Variants in F5 observed in about 807,000 individuals in gnomAD.
The protein encoded by F5 is activated protein c cofactor.
F5 carries 138 observed loss-of-function variants against 216.4 expected under a neutral mutation model. The observed-to-expected ratio is 0.64, with a 90% CI of 0.56 to 0.73. The LOEUF (loss-of-function observed/expected upper bound fraction) is 0.73, where lower values mean the gene tolerates loss of function less well. Ranked by LOEUF, F5 falls within the 30% of genes least tolerant of loss-of-function variation. F5 has a pLI of 0.00. For missense variants in F5, 2,403 were observed against 2,674.0 expected, an observed-to-expected ratio of 0.90 and a Z score of 2.24; for synonymous variants, 916 against 930.7, an observed-to-expected ratio of 0.98 and a Z score of 0.29.
intron 1 of F5, among the ~76,000 whole-genome samples, chr1:169,584,612 A>G (rs544018271): frequency 1.3e-5 from 2 of 152,370 alleles, no homozygotes; most frequent in South Asian, 4.1e-4. Context: ...ACACTTTGCC[A>G]AAAGATGGAG....
chr1:169,521,846 C>T (rs374671895), intron 21 of F5, among the ~76,000 whole-genome samples: 3 of 151,844 alleles, frequency 2.0e-5, no homozygotes, highest in African/African-American at 7.3e-5. Context: ...GTCTTGATCT[C>T]TTGACCTCGT....
intron 5 of F5, among the ~76,000 whole-genome samples, chr1:169,557,140 A>G (rs1159529267): frequency 6.6e-6 from 1 of 152,224 alleles, no homozygotes; most frequent in Non-Finnish European, 1.5e-5. Context: ...AAACACAGGG[A>G]TTGCTAAAGG....
intron 13 of F5, among the ~76,000 whole-genome samples, chr1:169,538,601 A>T (rs1659759583): frequency 6.6e-6 from 1 of 152,210 alleles, no homozygotes; most frequent in African/African-American, 2.4e-5. Context: ...ACAACAAAAA[A>T]ACTGGGGTAC....
At position 169,518,549 on chromosome 1, in the gene F5, G is replaced by C; in HGVS notation, c.6208C>G (p.Leu2070Val). Residue 2070 changes from leucine to valine, a missense_variant, in exon 23 of 25, where the codon CTG becomes GTG. This residue lies in a region of F5 where 659 missense variants were observed against 787.9 expected (regional missense o/e 0.84). Coordinates refer to ENST00000367797, the MANE Select transcript of F5 (RefSeq NM_000130.5). ...TCTATCTTTCCATTTTCCATACCCA[G>C]GGGTGTGGAACATCCTATCAAAAGA... The part of the protein sequence containing the change: ...GCEVNGCSTP[L>V]GMENGKIENK... 1 of 1,613,664 alleles carries C rather than the reference G, an allele frequency of 6.2e-7. No homozygotes were observed. Among genetic ancestry groups the C allele is most frequent in the Non-Finnish European group, 8.5e-7 (1 of 1,179,820 alleles).
chr1:169,582,590 A>T (rs931734042), intron 1 of F5, 68 bp from the exon 2 acceptor site: 34 of 833,852 alleles, frequency 4.1e-5, no homozygotes, highest in Non-Finnish European at 5.9e-6. Context: ...TTACAAAAAA[A>T]GTAGATCTCT....
chr1:169,536,509 G>C lies in F5; in HGVS notation c.4968C>G (p.Ile1656Met). 1.2e-6 allele frequency: 2 copies of C among 1,612,890 alleles called. No individual in the cohort carries two copies. The highest frequency in any genetic ancestry group is 1.7e-6 in the Non-Finnish European group (2 of 1,179,216). Residue 1656 changes from isoleucine to methionine, a missense_variant, in exon 14 of 25, where the codon ATC becomes ATG. Physicochemically the swap from Ile to Met is conservative, Grantham distance 10. Transcript: ENST00000367797. ...PIIRAEVDDV[I>M]QVRFKNLASR... ...TAGCAGTGCTCAAAAGACTTACTTGGATAACATCATCCACTTCAGCTCTGA... is the reference window on the plus strand; with the variant it reads ...TAGCAGTGCTCAAAAGACTTACTTGCATAACATCATCCACTTCAGCTCTGA...
In F5 at chr1:169,541,193, G is replaced by C; in HGVS notation, c.3897C>G (p.Ser1299Arg). 2 of 1,603,884 alleles carry C rather than the reference G, an allele frequency of 1.2e-6. No individual in the cohort carries two copies. The highest frequency in any genetic ancestry group is 1.7e-6 in the Non-Finnish European group (2 of 1,176,508). The change falls in exon 13 of 25, where the codon AGC becomes AGG. Residue 1299 changes from serine (S) to arginine (R), a missense_variant. Ser to Arg is a moderately radical substitution (Grantham distance 110, BLOSUM62 -1). This residue lies in a region of F5 where 26 missense variants were observed against 60.6 expected (regional missense o/e 0.43). Transcript: ENST00000367797. Reference protein sequence around the residue: ...FSQTNLSPELSHMTLSPELSQ... With the variant: ...FSQTNLSPELRHMTLSPELSQ... The stretch of plus-strand genomic sequence containing the variant: ...TGAGTTCTGGAGAGAGAGTCATATG[G>C]CTGAGTTCTGGAGAGAGGTTTGTCT...
rs757063620 is a variant in F5 at position 169,536,557 on chromosome 1, A to T, written c.4920T>A (p.His1640Gln). 28 of 1,613,674 alleles carry T rather than the reference A, an allele frequency of 1.7e-5. No homozygotes were observed. Among genetic ancestry groups the T allele is most frequent in the Non-Finnish European group, 2.4e-5 (28 of 1,179,662 alleles). Residue 1640 changes from histidine to glutamine, a missense_variant, in exon 14 of 25, where the codon CAT (histidine) becomes CAA (glutamine). By Grantham distance (24) the His-to-Gln change is conservative. Coordinates refer to ENST00000367797, the MANE Select transcript of F5 (RefSeq NM_000130.5). ...TGATAATAGGACCAAGAATTCCGAG[A>T]TGCTCTTCATACTCCCCTCGAGGAT... ...KRDPRGEYEE[H>Q]LGILGPIIRA... is the part of the protein sequence containing the mutation.
In F5 at chr1:169,555,266, C is replaced by T. The variant is rs201078171; in HGVS notation, c.1034G>A (p.Arg345Gln). 86 of 1,614,034 alleles carry T rather than the reference C, an allele frequency of 5.3e-5. No individual in the cohort carries two copies. Among genetic ancestry groups the T allele is most frequent in the Non-Finnish European group, 6.9e-5 (81 of 1,180,008 alleles). ...GAAGTATTCCCACCTCTTCATGTGC[C>T]GCCTCTGCTCACGAGTTATTTTCTT... ...NLKKITREQRRHMKRWEYFIA... is the reference protein window; with the variant it reads ...NLKKITREQRQHMKRWEYFIA... Residue 345 changes from arginine (R) to glutamine (Q), a missense_variant, in exon 7 of 25, where the codon CGG becomes CAG. Physicochemically the swap from Arg to Gln is conservative, Grantham distance 43. Transcript: ENST00000367797.
chr1:169,584,367 T>A (rs1181317556), intron 1 of F5, among the ~76,000 whole-genome samples: 1 of 152,256 alleles, frequency 6.6e-6, no homozygotes, highest in Non-Finnish European at 1.5e-5. Flanking sequence ...AGATGATTTG[T>A]TCATAATCAC....
intron 3 of F5, among the ~76,000 whole-genome samples, chr1:169,563,409 C>G (rs1371714639): frequency 1.3e-5 from 2 of 152,038 alleles, no homozygotes; most frequent in Non-Finnish European, 2.9e-5. Flanking sequence ...TCTTCAAATA[C>G]TTTTTCTGTT....
intron 2 of F5, among the ~76,000 whole-genome samples, chr1:169,573,981 A>C (rs890394182): frequency 1.3e-5 from 2 of 152,188 alleles, no homozygotes; most frequent in Admixed American, 6.5e-5. Context: ...ATATTCAAAA[A>C]ACAACAATAA....
intron 1 of F5, among the ~76,000 whole-genome samples, chr1:169,585,976 A>T (rs1365023550): frequency 6.6e-6 from 1 of 152,232 alleles, no homozygotes; most frequent in African/African-American, 2.4e-5. Flanking sequence ...TATTGAAAAT[A>T]AACTTGAAAA....
Position 169,541,070 on chromosome 1 carries a change from A to G in F5, c.4020T>C (p.Ser1340=), listed in dbSNP as rs776640600. ...AAAGGTTTGTTTGACTGAGTTCTGG[A>G]GAGAGGTTTGTCTGGCTGAAGTCTA... ...LSLDFSQTNL[S]PELSQTNLSP... is the part of the protein sequence containing the mutation. Residue 1340 remains serine (S), a synonymous_variant, in exon 13 of 25, where the codon TCT becomes TCC. Transcript: ENST00000367797. 2.5e-6 allele frequency: 4 copies of G among 1,600,322 alleles called. No individual in the cohort carries two copies. The highest frequency in any genetic ancestry group is 3.4e-6 in the Non-Finnish European group (4 of 1,173,800).
chr1:169,550,310 C>T (rs1314575580), intron 9 of F5, among the ~76,000 whole-genome samples: 4 of 140,890 alleles, frequency 2.8e-5, no homozygotes, highest in Non-Finnish European at 6.2e-5. Context: ...CGACAGGCCC[C>T]GGTGTGTGAT....
chr1:169,562,572 T>C (rs995954501), intron 3 of F5, among the ~76,000 whole-genome samples: 5 of 152,004 alleles, frequency 3.3e-5, no homozygotes, highest in African/African-American at 9.7e-5. Context: ...TGTTTTCTTT[T>C]GGATTGAGTA....
intron 3 of F5, among the ~76,000 whole-genome samples, chr1:169,562,317 G>A (rs544266523): frequency 6.6e-6 from 1 of 152,148 alleles, no homozygotes; most frequent in South Asian, 2.1e-4. Context: ...GTGTTAGCTG[G>A]TATGGTATAT....
chr1:169,569,379 C>T (rs1479435396), intron 3 of F5, among the ~76,000 whole-genome samples: 1 of 152,018 alleles, frequency 6.6e-6, no homozygotes. Context: ...ACATCACATT[C>T]ATATGCAACT....
chr1:169,520,205 G>A (rs979458197), intron 22 of F5, among the ~76,000 whole-genome samples: 2 of 152,190 alleles, frequency 1.3e-5, no homozygotes, highest in African/African-American at 4.8e-5. Flanking sequence ...GGCCTAGTTT[G>A]AATCTCAGGT....
Sources: gnomAD v4.1 joint callset for allele counts (sites outside exome capture counted in the v4.1 genomes callset) on GRCh38, gnomAD v4.1.1 for gene constraint, gnomAD v4.1.1 regional missense constraint, MANE v1.5 for transcripts, NCBI Gene and HGNC (gene_info 2026-07-23, HGNC 2026-07-21) for gene names.